The following ROR1 variants were observed in gnomAD, a reference collection of about 807,000 sequenced individuals.
ROR1 encodes inactive tyrosine-protein kinase transmembrane receptor ROR1.
A neutral mutation model predicts 78.8 loss-of-function variants in ROR1; 19 were observed. The observed-to-expected ratio is 0.24, with a 90% confidence interval of 0.17 to 0.35. The LOEUF is 0.35. Ranked by LOEUF, ROR1 falls within the 10% of genes least tolerant of loss-of-function variation. The probability of loss-of-function intolerance (pLI) is 1.00; values close to 1 mark genes in which losing one functional copy is unlikely to be tolerated. For synonymous variants in ROR1, 386 were observed against 433.6 expected (o/e 0.89, Z 1.36); for missense variants, 917 against 1,177.8 (o/e 0.78, Z 3.24).
In ROR1 at chr1:63,979,035, A is replaced by T. The variant is rs77133479; in HGVS notation, c.92-30270A>T. Among the ~76,000 whole-genome samples, 73 of 152,282 alleles carry T rather than the reference A, an allele frequency of 4.8e-4. 1 individual carries two copies. The East Asian group carries it at 0.014, about 29-fold the overall frequency. ...GCTGGGGAGGTCAGCCTTTTGTTCT[A>T]TTCAGGCCTTTAACTGATTAGATGA... On this transcript the variant is annotated intron_variant, in intron 1 of 8. Coordinates refer to ENST00000371079, the MANE Select transcript of ROR1 (RefSeq NM_005012.4).
At chr1:63,800,802 C>T (rs1362623553) in intron 1 of ROR1, among the ~76,000 whole-genome samples, 1 of 152,174 alleles carries the variant, frequency 6.6e-6, no homozygotes, top group African/African-American at 2.4e-5. Flanking sequence ...ACTTCCTCAA[C>T]CTTGAGACTC....
At chr1:64,088,317 G>A (rs1647169360) in intron 4 of ROR1, among the ~76,000 whole-genome samples, 1 of 152,124 alleles carries the variant, frequency 6.6e-6, no homozygotes, top group Non-Finnish European at 1.5e-5. Flanking sequence ...AACTATTAGA[G>A]TCTTACCAGG....
At chr1:63,840,883 T>G (rs1645045610) in intron 1 of ROR1, among the ~76,000 whole-genome samples, 1 of 152,156 alleles carries the variant, frequency 6.6e-6, no homozygotes, top group Non-Finnish European at 1.5e-5. Context: ...CATAGGTTTG[T>G]TGGGCTGGTT....
chr1:63,971,154 T>A (rs1455277229), intron 1 of ROR1, among the ~76,000 whole-genome samples: 3 of 152,154 alleles, frequency 2.0e-5, no homozygotes, highest in Non-Finnish European at 4.4e-5. Flanking sequence ...TATAGCACAG[T>A]GGCTAAAAAG....
intron 1 of ROR1, among the ~76,000 whole-genome samples, chr1:63,925,008 AT>A (rs1463277870): frequency 1.4e-5 from 1 of 70,350 alleles, no homozygotes; most frequent in Non-Finnish European, 3.1e-5. Context: ...TTTATTTTTT[AT>A]TTTTTATTTT....
chr1:64,166,377 C>T (rs1248690074), intron 8 of ROR1, among the ~76,000 whole-genome samples: 2 of 151,980 alleles, frequency 1.3e-5, no homozygotes, highest in South Asian at 2.1e-4. Context: ...AAATAGTTTT[C>T]TCTAGTTCTG....
intron 1 of ROR1, among the ~76,000 whole-genome samples, chr1:63,818,609 C>CT (rs917849668): frequency 2.0e-5 from 3 of 152,000 alleles, no homozygotes; most frequent in East Asian, 1.9e-4. Flanking sequence ...TTAGAACAAT[C>CT]TTTTTTTTAG....
chr1:64,055,411 G>C (rs181984436), intron 4 of ROR1, among the ~76,000 whole-genome samples: 6 of 152,222 alleles, frequency 3.9e-5, no homozygotes, highest in Non-Finnish European at 1.5e-5. Flanking sequence ...TCTAAGAAGA[G>C]TCCATCTCCT....
At chr1:64,093,446 CTT>C (rs915812140) in intron 4 of ROR1, among the ~76,000 whole-genome samples, 2 of 152,058 alleles carry the variant, frequency 1.3e-5, no homozygotes, top group African/African-American at 4.8e-5. Context: ...AACAGCAAAC[CTT>C]TTCTTTCCCC....
intron 1 of ROR1, among the ~76,000 whole-genome samples, chr1:63,781,834 G>A (rs1463570474): frequency 1.3e-5 from 2 of 152,188 alleles, no homozygotes; most frequent in Non-Finnish European, 2.9e-5. Flanking sequence ...ACAGACATGT[G>A]ATTGTTGGAA....
At chr1:63,901,427 C>T (rs910363053) in intron 1 of ROR1, among the ~76,000 whole-genome samples, 2 of 152,152 alleles carry the variant, frequency 1.3e-5, no homozygotes, top group Admixed American at 6.5e-5. Context: ...ATGTCTGTAG[C>T]TGTAATAGCA....
At chr1:63,896,036 C>T (rs1019707669) in intron 1 of ROR1, among the ~76,000 whole-genome samples, 1 of 152,022 alleles carries the variant, frequency 6.6e-6, no homozygotes, top group Non-Finnish European at 1.5e-5. Context: ...CTAAGATGAA[C>T]GCTTCCACCT....
chr1:64,018,755 C>T (rs1202995949), intron 2 of ROR1, among the ~76,000 whole-genome samples: 2 of 152,260 alleles, frequency 1.3e-5, no homozygotes, highest in African/African-American at 2.4e-5. Context: ...ATCTCTCCAA[C>T]ATCTAGTGCA....
At chr1:64,093,085 C>T (rs947454064) in intron 4 of ROR1, among the ~76,000 whole-genome samples, 23 of 152,270 alleles carry the variant, frequency 1.5e-4, no homozygotes, top group Non-Finnish European at 1.0e-4. Flanking sequence ...ATCTAAGCAA[C>T]GCCGGGTTGT....
chr1:63,775,405 T>C (rs779359446), intron 1 of ROR1: 5 of 152,120 alleles, frequency 3.3e-5, no homozygotes, highest in African/African-American at 4.8e-5. Context: ...AACCGATTCA[T>C]TCTTTGGAGG....
At chr1:64,083,553 C>G (rs368605977) in intron 4 of ROR1, among the ~76,000 whole-genome samples, 2 of 109,126 alleles carry the variant, frequency 1.8e-5, no homozygotes, top group African/African-American at 6.9e-5. Context: ...AACACCTAAC[C>G]ATTTCCAGAA....
intron 4 of ROR1, among the ~76,000 whole-genome samples, chr1:64,088,262 T>G (rs1283617647): frequency 1.3e-5 from 2 of 152,176 alleles, no homozygotes; most frequent in Admixed American, 6.6e-5. Context: ...TCATGGATAT[T>G]ATTGCTATGT....
chr1:64,085,278 G>A (rs1647142147), intron 4 of ROR1, among the ~76,000 whole-genome samples: 2 of 152,260 alleles, frequency 1.3e-5, no homozygotes, highest in Admixed American at 6.5e-5. Flanking sequence ...AAAAGGCAGC[G>A]TTTTCCTACA....
intron 1 of ROR1, among the ~76,000 whole-genome samples, chr1:63,990,752 A>T (rs1052483446): frequency 3.3e-5 from 5 of 152,102 alleles, no homozygotes; most frequent in African/African-American, 1.2e-4. Flanking sequence ...TGTTTACATT[A>T]AAAAAAGGTA....
Sources: allele counts gnomAD v4.1 joint callset (sites outside exome capture counted in the v4.1 genomes callset), GRCh38; gene constraint gnomAD v4.1.1; transcripts MANE v1.5; gene names NCBI Gene and HGNC (gene_info 2026-07-23, HGNC 2026-07-21).